DPP10: variants seen among roughly 807,000 people sequenced by gnomAD.
DPP10 encodes dipeptidyl peptidase like 10, also known as inactive dipeptidyl peptidase 10.
Under a neutral mutation model 120.9 loss-of-function variants are expected in DPP10, and 33 were observed. That is an observed-to-expected ratio of 0.27 (90% CI 0.21 to 0.37). The LOEUF (loss-of-function observed/expected upper bound fraction) is 0.37, where lower values mean the gene tolerates loss of function less well. Ranked by LOEUF, DPP10 falls within the 10% of genes least tolerant of loss-of-function variation. The pLI is 1.00. For synonymous variants in DPP10, 337 were observed against 326.1 expected (o/e 1.03, Z -0.36); for missense variants, 816 against 942.8 (o/e 0.87, Z 1.76).
chr2:115,578,130 C>A (rs939841395), intron 5 of DPP10, among the ~76,000 whole-genome samples: 3 of 152,154 alleles, frequency 2.0e-5, no homozygotes, highest in African/African-American at 7.2e-5. Context: ...GGCAGCCTTG[C>A]TCCACTGTCT....
At position 115,207,301 on chromosome 2, in the gene DPP10, G is replaced by A. The variant is rs188776925; in HGVS notation, c.61-101938G>A. 3.6e-3 allele frequency among the ~76,000 whole-genome samples: 551 copies of A among 151,458 alleles called. 4 individuals carry two copies. Among genetic ancestry groups the A allele is most frequent in the African/African-American group, 0.013 (520 of 41,300 alleles). ...TATTTGTTTTCCTCCAACAGTCTTG[G>A]CAATTAGTGCTTTCCTAGCTTCAGT... is the stretch of plus-strand genomic sequence containing the variant. On this transcript the variant is annotated intron_variant, in intron 1 of 25. Transcript: ENST00000410059.
At chr2:114,571,913 G>T (rs1689683459) in intron 1 of DPP10, among the ~76,000 whole-genome samples, 1 of 146,434 alleles carries the variant, frequency 6.8e-6, no homozygotes, top group African/African-American at 2.5e-5. Context: ...ACTATATATT[G>T]TGTACATATT....
At chr2:115,375,977 G>A (rs1325110164) in intron 3 of DPP10, among the ~76,000 whole-genome samples, 1 of 152,188 alleles carries the variant, frequency 6.6e-6, no homozygotes, top group Non-Finnish European at 1.5e-5. Context: ...CACTAGTAGT[G>A]CTTGGTATAA....
chr2:115,269,274 T>C (rs578059077), intron 1 of DPP10, among the ~76,000 whole-genome samples: 3 of 152,336 alleles, frequency 2.0e-5, no homozygotes, highest in South Asian at 4.1e-4. Context: ...CTACCATCTA[T>C]TGAATTTTTA....
intron 1 of DPP10, among the ~76,000 whole-genome samples, chr2:115,119,570 T>C (rs888846491): frequency 1.3e-5 from 2 of 152,138 alleles, no homozygotes; most frequent in African/African-American, 4.8e-5. Flanking sequence ...AGTCAGTCTT[T>C]TGTGGTAGTA....
At chr2:115,380,069 C>T (rs1366723304) in intron 3 of DPP10, among the ~76,000 whole-genome samples, 3 of 152,050 alleles carry the variant, frequency 2.0e-5, no homozygotes, top group Admixed American at 2.0e-4. Flanking sequence ...CTATTAGGTC[C>T]ACTTGGTGCA....
chr2:115,598,825 T>TC (rs11405339), intron 5 of DPP10, among the ~76,000 whole-genome samples: 1 of 150,746 alleles, frequency 6.6e-6, no homozygotes, highest in Non-Finnish European at 1.5e-5. Flanking sequence ...TTTTTTTTTT[T>TC]CATTAATAAC....
intron 5 of DPP10, among the ~76,000 whole-genome samples, chr2:115,634,249 G>C (rs1396207064): frequency 6.6e-6 from 1 of 152,156 alleles, no homozygotes; most frequent in African/African-American, 2.4e-5. Flanking sequence ...TCTTGCTGGA[G>C]AGGTGCTGCA....
intron 5 of DPP10, among the ~76,000 whole-genome samples, chr2:115,655,205 C>T (rs969898759): frequency 3.3e-5 from 5 of 151,480 alleles, no homozygotes; most frequent in Admixed American, 2.0e-4. Context: ...GTCCCAAATA[C>T]GTAACTTTTT....
intron 1 of DPP10, among the ~76,000 whole-genome samples, chr2:114,946,600 T>G (rs1697362848): frequency 6.6e-6 from 1 of 152,136 alleles, no homozygotes; most frequent in Non-Finnish European, 1.5e-5. Flanking sequence ...GAATTATGTT[T>G]TCTGAGTTTT....
intron 2 of DPP10, among the ~76,000 whole-genome samples, chr2:115,343,083 A>G (rs2063529150): frequency 6.6e-6 from 1 of 152,236 alleles, no homozygotes; most frequent in Admixed American, 6.5e-5. Flanking sequence ...AAGAAAATGC[A>G]ATATTCCTGT....
chr2:115,589,163 T>C (rs1226514820), intron 5 of DPP10, among the ~76,000 whole-genome samples: 1 of 152,196 alleles, frequency 6.6e-6, no homozygotes, highest in Non-Finnish European at 1.5e-5. Context: ...ATAAAGCATT[T>C]AGTAACCACG....
At chr2:115,088,576 G>A (rs1490372043) in intron 1 of DPP10, among the ~76,000 whole-genome samples, 7 of 151,654 alleles carry the variant, frequency 4.6e-5, no homozygotes, top group Admixed American at 4.6e-4. Flanking sequence ...AGCCTCAGCT[G>A]GGAATACACA....
chr2:115,635,706 T>G (rs548518583), intron 5 of DPP10, among the ~76,000 whole-genome samples: 3 of 152,260 alleles, frequency 2.0e-5, no homozygotes, highest in Non-Finnish European at 4.4e-5. Context: ...GAGGGAAGCT[T>G]GTGGTTAAGT....
At chr2:115,373,496 G>T (rs111847109) in intron 3 of DPP10, among the ~76,000 whole-genome samples, 11,528 of 82,490 alleles carry the variant, frequency 0.14, 492 homozygotes, top group Middle Eastern at 0.17. Context: ...GGATGAAGGG[G>T]AAAGAAATCT....
intron 1 of DPP10, among the ~76,000 whole-genome samples, chr2:114,883,872 G>A (rs1283190773): frequency 1.3e-5 from 2 of 152,052 alleles, no homozygotes; most frequent in African/African-American, 4.8e-5. Context: ...TCCTCACATG[G>A]CATTTGGATT....
chr2:114,794,486 G>A (rs1683521051), intron 1 of DPP10, among the ~76,000 whole-genome samples: 1 of 152,166 alleles, frequency 6.6e-6, no homozygotes, highest in Admixed American at 6.5e-5. Context: ...AGCCTGAGAA[G>A]ACAAGGGAGA....
chr2:114,645,313 C>A (rs1368595863), intron 1 of DPP10, among the ~76,000 whole-genome samples: 1 of 152,112 alleles, frequency 6.6e-6, no homozygotes, highest in Non-Finnish European at 1.5e-5. Flanking sequence ...CTAAGTTGGG[C>A]CCTAAGAAAA....
chr2:115,308,016 A>T (rs1349608330), intron 1 of DPP10, among the ~76,000 whole-genome samples: 2 of 152,112 alleles, frequency 1.3e-5, no homozygotes, highest in African/African-American at 4.8e-5. Flanking sequence ...ACTTAGAGCG[A>T]TTTATCTGAG....
Sources: allele counts gnomAD v4.1 joint callset (sites outside exome capture counted in the v4.1 genomes callset), GRCh38; gene constraint gnomAD v4.1.1; transcripts MANE v1.5; gene names NCBI Gene and HGNC (gene_info 2026-07-23, HGNC 2026-07-21).